ARMC8: variants seen among roughly 807,000 people sequenced by gnomAD.
ARMC8 encodes the protein armadillo repeat-containing protein 8.
In ARMC8, 20 loss-of-function variants were observed where a neutral mutation model predicts 99.3. The observed-to-expected ratio is 0.20, with a 90% CI of 0.14 to 0.29. The LOEUF (loss-of-function observed/expected upper bound fraction) is 0.29. Ranked by LOEUF, ARMC8 falls within the 10% of genes least tolerant of loss-of-function variation. ARMC8 has a pLI of 1.00. For synonymous variants in ARMC8, 263 were observed against 278.3 expected, an observed-to-expected ratio of 0.95 and a Z score of 0.55; for missense variants, 569 against 809.5, an observed-to-expected ratio of 0.70 and a Z score of 3.60.
chr3:138,215,965 A>G (rs1023271543), intron 2 of ARMC8, among the ~76,000 whole-genome samples: 3 of 151,488 alleles, frequency 2.0e-5, no homozygotes, highest in African/African-American at 4.9e-5. Context: ...GGTTCAAGCA[A>G]TTCTCCTGCC....
chr3:138,290,169 G>C (rs1291477851), intron 20 of ARMC8, among the ~76,000 whole-genome samples: 1 of 152,220 alleles, frequency 6.6e-6, no homozygotes, highest in East Asian at 1.9e-4. Flanking sequence ...GCTTAGAGTA[G>C]TAAGAGCCTG....
intron 2 of ARMC8, among the ~76,000 whole-genome samples, chr3:138,214,536 A>G (rs990792389): frequency 6.6e-6 from 1 of 152,248 alleles, no homozygotes; most frequent in Non-Finnish European, 1.5e-5. Flanking sequence ...AAGAGTTCCC[A>G]TAAAATGAAG....
chr3:138,235,945 A>G (rs905219253), intron 7 of ARMC8, among the ~76,000 whole-genome samples: 7 of 151,744 alleles, frequency 4.6e-5, no homozygotes, highest in Non-Finnish European at 7.4e-5. Context: ...AGCTGGGACT[A>G]CAGGCACCTG....
chr3:138,200,428 T>A (rs2043988168), intron 1 of ARMC8, among the ~76,000 whole-genome samples: 1 of 152,226 alleles, frequency 6.6e-6, no homozygotes, highest in African/African-American at 2.4e-5. Context: ...GAAAATCGAT[T>A]GTACATTAAA....
At chr3:138,239,723 A>T (rs897228942) in intron 10 of ARMC8, among the ~76,000 whole-genome samples, 195 bp downstream of exon 10, 1 of 152,186 alleles carries the variant, frequency 6.6e-6, no homozygotes, top group African/African-American at 2.4e-5. Flanking sequence ...ATGTGTTTCG[A>T]AAGTCAGCGT....
intron 5 of ARMC8, among the ~76,000 whole-genome samples, chr3:138,227,985 G>GT (rs909708346): frequency 4.6e-5 from 7 of 152,044 alleles, no homozygotes; most frequent in African/African-American, 1.7e-4. Context: ...GTTTGTTTTT[G>GT]TTTTTGTTTT....
intron 2 of ARMC8, among the ~76,000 whole-genome samples, chr3:138,219,182 T>C (rs1484323689): frequency 2.6e-5 from 4 of 152,220 alleles, no homozygotes; most frequent in Non-Finnish European, 1.5e-5. Context: ...GTAGTGGATA[T>C]GGAATGCTTT....
At chr3:138,190,570 T>C (rs2107937895) in intron 1 of ARMC8, among the ~76,000 whole-genome samples, 2 of 152,286 alleles carry the variant, frequency 1.3e-5, no homozygotes, top group East Asian at 1.9e-4. Flanking sequence ...ATTACAGGTG[T>C]GAGCCACTGC....
At chr3:138,261,603 C>T (rs1282674630) in intron 12 of ARMC8, 1 of 151,964 alleles carries the variant, frequency 6.6e-6, no homozygotes, top group Non-Finnish European at 1.5e-5. Context: ...ATGGACAGAG[C>T]CTTTATTGTA....
intron 12 of ARMC8, among the ~76,000 whole-genome samples, chr3:138,257,653 T>C (rs1056331542): frequency 1.3e-5 from 2 of 152,150 alleles, no homozygotes; most frequent in East Asian, 1.9e-4. Context: ...CTTGGGTTTA[T>C]AGTGCTCATT....
chr3:138,249,021 G>A (rs374462354), intron 12 of ARMC8, among the ~76,000 whole-genome samples: 154 of 152,246 alleles, frequency 1.0e-3, no homozygotes, highest in South Asian at 4.1e-4. Flanking sequence ...TGAGGGCAGG[G>A]ATTTATTTGT....
At chr3:138,232,833 A>C (rs1440525360) in intron 6 of ARMC8, among the ~76,000 whole-genome samples, 2 of 152,244 alleles carry the variant, frequency 1.3e-5, no homozygotes, top group Admixed American at 1.3e-4. Context: ...GCAGGAGAAC[A>C]GATTGGCTGC....
At chr3:138,263,655 G>A in intron 12 of ARMC8, 84 bp from the exon 13 acceptor site, 1 of 1,168,034 alleles carries the variant, frequency 8.6e-7, no homozygotes, top group South Asian at 1.2e-5. Flanking sequence ...AACTTTTAAT[G>A]GATGTTAACA....
chr3:138,273,876 G>T lies in ARMC8; in HGVS notation c.1630-573G>T, dbSNP rs183223867. Among the ~76,000 whole-genome samples, 6 of 151,736 alleles carry T rather than the reference G, an allele frequency of 4.0e-5. No individual in the cohort carries two copies. In the East Asian group the frequency reaches 1.2e-3, roughly 29 times the overall value. ...CTTTCCCCCAGGCTGGAGTGCAGTG[G>T]CACAGTCTCCGGTCATTGCAACCTC... On this transcript the variant is annotated intron_variant, in intron 17 of 21. Transcript: ENST00000469044.
At chr3:138,231,631 G>C (rs1307509069) in intron 6 of ARMC8, among the ~76,000 whole-genome samples, 1 of 152,096 alleles carries the variant, frequency 6.6e-6, no homozygotes, top group East Asian at 1.9e-4. Flanking sequence ...GACCATGAGA[G>C]CTAGGCCAGG....
chr3:138,233,520 A>G (rs1182509616), intron 6 of ARMC8, among the ~76,000 whole-genome samples: 3 of 152,242 alleles, frequency 2.0e-5, no homozygotes, highest in African/African-American at 4.8e-5. Context: ...GTGATTAAAA[A>G]TAAGAAACTC....
At chr3:138,242,371 C>T (rs939224097) in intron 11 of ARMC8, among the ~76,000 whole-genome samples, 4 of 152,088 alleles carry the variant, frequency 2.6e-5, no homozygotes, top group African/African-American at 9.7e-5. Context: ...CTAAGTTGTC[C>T]CATGTTACTT....
intron 20 of ARMC8, among the ~76,000 whole-genome samples, 187 bp from the exon 21 acceptor site, chr3:138,290,359 C>T (rs1389208934): frequency 2.0e-5 from 3 of 152,060 alleles, no homozygotes; most frequent in East Asian, 3.9e-4. Flanking sequence ...GGCAGAGAGA[C>T]GAGTTAGAAG....
chr3:138,198,980 T>G (rs1291794757), intron 1 of ARMC8, among the ~76,000 whole-genome samples: 1 of 152,150 alleles, frequency 6.6e-6, no homozygotes, highest in Non-Finnish European at 1.5e-5. Flanking sequence ...TTTTAGTGTT[T>G]TTATGATTGT....
Sources: gnomAD v4.1 joint callset for allele counts (sites outside exome capture counted in the v4.1 genomes callset) on GRCh38, gnomAD v4.1.1 for gene constraint, MANE v1.5 for transcripts, NCBI Gene and HGNC (gene_info 2026-07-23, HGNC 2026-07-21) for gene names.